The following INSIG1 variants were observed in gnomAD, a reference collection of about 807,000 sequenced individuals.
INSIG1 encodes the protein insulin induced gene 1.
INSIG1 carries 14 observed loss-of-function variants against 26.5 expected under a neutral mutation model. The ratio of observed to expected loss-of-function variants is 0.53; its 90% CI spans 0.35 to 0.83. The LOEUF (loss-of-function observed/expected upper bound fraction) is 0.83, where lower values mean the gene tolerates loss of function less well. Ranked by LOEUF, INSIG1 falls within the 40% of genes least tolerant of loss-of-function variation. The probability of loss-of-function intolerance (pLI) is 0.01; values close to 1 mark genes in which losing one functional copy is unlikely to be tolerated. For missense variants in INSIG1, 272 were observed against 368.9 expected (o/e 0.74, Z 2.15); for synonymous variants, 147 against 153.3 (o/e 0.96, Z 0.30).
rs1233480936 is a variant in INSIG1, at chr7:155,308,776, T to C, written c.*506T>C. 6.3e-6 allele frequency: 1 copy of C among 157,782 alleles called. No individual in the cohort carries two copies. The highest frequency in any genetic ancestry group is 2.4e-5 in the African/African-American group (1 of 41,472). The allele number at this position is 157,782 out of a possible 1,614,324, so 9.8% of individuals were successfully genotyped here. Reference sequence around the variant, plus strand: ...AAAACAAGAAAAGCAGCAGTGATTATAGAGAGGTCACACTCTAAGTGGGGT... The same window carrying C: ...AAAACAAGAAAAGCAGCAGTGATTACAGAGAGGTCACACTCTAAGTGGGGT... On this transcript the variant is annotated 3_prime_UTR_variant, in exon 6 of 6. Transcript: ENST00000340368.
Position 155,302,662 on chromosome 7 carries a change from C to T in INSIG1, c.705-85C>T. The T allele has an allele frequency of 1.0e-6, 1 of 1,000,656 alleles. No homozygotes were observed. Among genetic ancestry groups the T allele is most frequent in the Non-Finnish European group, 1.6e-6 (1 of 632,954 alleles). 62.0% of individuals were successfully genotyped at this position (1,000,656 alleles called of 1,614,324 possible). A position where few individuals can be genotyped will look rare whatever the true frequency, so the allele number is the denominator to read the frequency against. On this transcript the variant is annotated intron_variant, in intron 4 of 5. Coordinates refer to ENST00000340368, the MANE Select transcript of INSIG1 (RefSeq NM_005542.6). This position sits in a 1 kb window ranked among gnomAD's most constrained non-coding sequence, Gnocchi z 4.3. Reference sequence around the variant, plus strand: ...CATTGGATGGTTGATATGCGTTCTGCATATCCCCACTACAGAGAATCTGTG... The same window carrying T: ...CATTGGATGGTTGATATGCGTTCTGTATATCCCCACTACAGAGAATCTGTG...
intron 5 of INSIG1, chr7:155,303,673 A>C (rs904405014): frequency 6.8e-6 from 2 of 293,062 alleles, no homozygotes; most frequent in African/African-American, 4.5e-5. Context: ...TGGACTTTTA[A>C]ATGTTATTTT....
intron 5 of INSIG1, among the ~76,000 whole-genome samples, chr7:155,306,814 AC>A (rs35520249): frequency 0.21 from 31,688 of 152,146 alleles, 3,620 homozygotes; most frequent in Non-Finnish European, 0.27. Flanking sequence ...CATAGCTCGC[AC>A]CTGCCTTCAC....
chr7:155,305,441 G>T (rs1379322059), intron 5 of INSIG1, among the ~76,000 whole-genome samples: 3 of 152,112 alleles, frequency 2.0e-5, no homozygotes, highest in African/African-American at 7.2e-5. Context: ...TGCATTCGTG[G>T]TGCGTGTTTT....
At chr7:155,301,802 T>C in intron 3 of INSIG1, 112 bp downstream of exon 3, 1 of 1,007,368 alleles carries the variant, frequency 9.9e-7, no homozygotes. Flanking sequence ...GACATGATGG[T>C]GGTACCTACC....
intron 2 of INSIG1, among the ~76,000 whole-genome samples, chr7:155,300,854 T>G (rs940055037): frequency 3.3e-5 from 5 of 152,242 alleles, no homozygotes; most frequent in African/African-American, 1.2e-4. Context: ...TTTTCTCTTC[T>G]TGGTCTGGTG....
At chr7:155,300,916 C>T (rs139352645) in intron 2 of INSIG1, among the ~76,000 whole-genome samples, 1 of 152,336 alleles carries the variant, frequency 6.6e-6, no homozygotes, top group East Asian at 1.9e-4. Flanking sequence ...GGAGAATAAG[C>T]GAAGCCTGTG....
intron 5 of INSIG1, among the ~76,000 whole-genome samples, chr7:155,305,604 G>A (rs1000957797): frequency 1.1e-4 from 17 of 152,250 alleles, no homozygotes; most frequent in Non-Finnish European, 2.4e-4. Flanking sequence ...GATGACGAGA[G>A]TGAAGTTGTT....
intron 5 of INSIG1, among the ~76,000 whole-genome samples, chr7:155,306,757 A>T (rs781087375): frequency 6.6e-6 from 1 of 152,218 alleles, no homozygotes; most frequent in Non-Finnish European, 1.5e-5. Context: ...GCAGAGGTCG[A>T]CGTGGCACCG....
At chr7:155,304,111 A>G (rs1469130828) in intron 5 of INSIG1, among the ~76,000 whole-genome samples, 1 of 151,724 alleles carries the variant, frequency 6.6e-6, no homozygotes, top group African/African-American at 2.4e-5. Context: ...TTACAGGCAC[A>G]TGCCACCATA....
intron 5 of INSIG1, among the ~76,000 whole-genome samples, chr7:155,307,601 T>C (rs540569498): frequency 9.2e-5 from 14 of 152,304 alleles, no homozygotes; most frequent in African/African-American, 3.4e-4. Context: ...TCAGAAGCTC[T>C]GTGAGGGTCA....
intron 5 of INSIG1, among the ~76,000 whole-genome samples, chr7:155,307,934 C>T (rs1342176933): frequency 2.6e-5 from 4 of 152,196 alleles, no homozygotes; most frequent in African/African-American, 7.2e-5. Context: ...CAATATCTTA[C>T]ACTTATATAA....
At position 155,301,567 on chromosome 7, in the gene INSIG1, T is replaced by C. The variant is rs1797785630; in HGVS notation, c.414T>C (p.Ala138=). ...WVPPCCGTAA[A]VVGLLYPCID... is the part of the protein sequence containing the mutation. ...ACATTGTCAACTTTTTTAAAACAGC[T>C]GTTGTTGGCCTACTGTACCCCTGTA... Residue 138 remains alanine, a splice_region_variant and synonymous_variant, in exon 3 of 6, where the codon GCT becomes GCC. Coordinates refer to ENST00000340368, the MANE Select transcript of INSIG1 (RefSeq NM_005542.6). 1 of 1,600,598 alleles carries C rather than the reference T, an allele frequency of 6.2e-7. No homozygotes were observed. Among genetic ancestry groups the C allele is most frequent in the South Asian group, 1.1e-5 (1 of 89,458 alleles).
At chr7:155,305,111 A>G (rs867121378) in intron 5 of INSIG1, among the ~76,000 whole-genome samples, 15 of 149,836 alleles carry the variant, frequency 1.0e-4, no homozygotes, top group African/African-American at 3.5e-4. Context: ...GTGCCACTGC[A>G]TTCCAGCCTG....
At chr7:155,304,570 T>C (rs1308717876) in intron 5 of INSIG1, among the ~76,000 whole-genome samples, 1 of 152,206 alleles carries the variant, frequency 6.6e-6, no homozygotes, top group Non-Finnish European at 1.5e-5. Context: ...TTAAATCGGT[T>C]TTAAGAAATA....
Position 155,301,559 on chromosome 7 carries a change from A to T in INSIG1, c.413-7A>T, listed in dbSNP as rs1206749536. 6.3e-7 allele frequency: 1 copy of T among 1,597,552 alleles called. No homozygotes were observed. The highest frequency in any genetic ancestry group is 1.3e-5 in the African/African-American group (1 of 74,376). On this transcript the variant is annotated splice_region_variant and splice_polypyrimidine_tract_variant and intron_variant, in intron 2 of 5. Transcript: ENST00000340368. ...GTATTCTAACATTGTCAACTTTTTT[A>T]AAACAGCTGTTGTTGGCCTACTGTA...
rs114811632 is a variant in INSIG1, at chr7:155,306,624, G to A, written c.805-1617G>A. On this transcript the variant is annotated intron_variant, in intron 5 of 5. Coordinates refer to ENST00000340368, the MANE Select transcript of INSIG1 (RefSeq NM_005542.6). ...CTGCACAGGAGGCATTGTGCTGAGC[G>A]TTTCCATTGTTAGCCAGTTTAGTCC... Among the ~76,000 whole-genome samples, 1,133 of 152,346 alleles carry A rather than the reference G, an allele frequency of 7.4e-3. 10 individuals carry two copies. Among genetic ancestry groups the A allele is most frequent in the African/African-American group, 0.025 (1,019 of 41,574 alleles).
chr7:155,308,090 C>A, intron 5 of INSIG1, 151 bp from the exon 6 acceptor site: 2 of 563,340 alleles, frequency 3.6e-6, no homozygotes, highest in South Asian at 4.8e-5. Context: ...GTCTCCAGTT[C>A]TCTGCACATG....
At chr7:155,303,576 G>A (rs9692436) in intron 5 of INSIG1, among the ~76,000 whole-genome samples, 3,111 of 152,310 alleles carry the variant, frequency 0.02, 108 homozygotes, top group African/African-American at 0.071. Flanking sequence ...TGAGGGAGAC[G>A]GAAAGGTAGT....
Sources: allele counts gnomAD v4.1 joint callset (sites outside exome capture counted in the v4.1 genomes callset), GRCh38; gene constraint gnomAD v4.1.1; non-coding constraint Gnocchi (gnomAD v3.1); transcripts MANE v1.5; gene names NCBI Gene and HGNC (gene_info 2026-07-23, HGNC 2026-07-21).